Variants in CAMKMT observed in about 807,000 individuals in gnomAD.
CAMKMT encodes CaM KMT.
A neutral mutation model predicts 48.0 loss-of-function variants in CAMKMT; 53 were observed. That is an observed-to-expected ratio of 1.10 (90% CI 0.89 to 1.39). CAMKMT has a LOEUF of 1.39. Ranked by LOEUF, CAMKMT falls within the 40% of genes most tolerant of loss-of-function variation. The pLI, the probability that CAMKMT is intolerant of heterozygous loss-of-function variation, is 0.00. For missense variants in CAMKMT, 428 were observed against 402.7 expected (o/e 1.06, Z -0.54); for synonymous variants, 165 against 152.3 (o/e 1.08, Z -0.61).
intron 3 of CAMKMT, among the ~76,000 whole-genome samples, chr2:44,497,511 TA>T (rs1023320043): frequency 6.6e-6 from 1 of 152,060 alleles, no homozygotes; most frequent in African/African-American, 2.4e-5. Flanking sequence ...TCCCATTTAG[TA>T]AAAAAACAAA....
At chr2:44,402,314 G>A (rs570417355) in intron 3 of CAMKMT, among the ~76,000 whole-genome samples, 1 of 41,494 alleles carries the variant, frequency 2.4e-5, no homozygotes, top group South Asian at 1.0e-3. Flanking sequence ...GGGTGACACA[G>A]CAAGACTCTG....
chr2:44,573,661 T>C (rs1187705773), intron 3 of CAMKMT, among the ~76,000 whole-genome samples: 1 of 152,144 alleles, frequency 6.6e-6, no homozygotes, highest in Non-Finnish European at 1.5e-5. Context: ...ATAAAAATAT[T>C]CTCTGAAATT....
At chr2:44,598,995 A>G (rs576568583) in intron 3 of CAMKMT, among the ~76,000 whole-genome samples, 15 of 152,084 alleles carry the variant, frequency 9.9e-5, no homozygotes, top group South Asian at 2.1e-4. Flanking sequence ...GGGCTCACCT[A>G]TTTCGTATGT....
At chr2:44,474,451 AAAAAAAAAAAAAG>A (rs1668582145) in intron 3 of CAMKMT, among the ~76,000 whole-genome samples, 1 of 151,780 alleles carries the variant, frequency 6.6e-6, no homozygotes, top group East Asian at 1.9e-4. Flanking sequence ...CGTCTCAAAA[AAAAAAAAAAAAAG>A]AAAAAGAAAA....
chr2:44,597,352 A>G (rs1670724830), intron 3 of CAMKMT, among the ~76,000 whole-genome samples: 1 of 152,258 alleles, frequency 6.6e-6, no homozygotes, highest in South Asian at 2.1e-4. Context: ...TAAATATAGA[A>G]TCATTTAAGA....
chr2:44,475,363 G>A (rs997974921), intron 3 of CAMKMT, among the ~76,000 whole-genome samples: 1 of 151,018 alleles, frequency 6.6e-6, no homozygotes, highest in Non-Finnish European at 1.5e-5. Context: ...TGTCACCCAG[G>A]CTGGAGTGCA....
rs201736198 is a variant in CAMKMT, at chr2:44,461,968, TCA to T, written c.376+71666_376+71667del. ...TTGTATAATACCTGCTACCCTTGAC[TCA>T]CAGAATGTTTTGTGTGATGTCAAGT... is the stretch of plus-strand genomic sequence containing the variant. On this transcript the variant is annotated intron_variant, in intron 3 of 10. Transcript: ENST00000378494. Among the ~76,000 whole-genome samples the T allele has an allele frequency of 8.7e-4, 133 of 152,288 alleles. 1 individual carries two copies. The East Asian group carries it at 0.014, about 16-fold the overall frequency.
Position 44,390,306 on chromosome 2 carries a change from G to C in CAMKMT, c.376+1G>C, listed in dbSNP as rs1681204384. ...AGCTTTGACAATACAGGAAATGTTT[G>C]TAAGTTATACATTCACTCTATAGAA... On this transcript the variant is annotated splice_donor_variant, in intron 3 of 10. Coordinates refer to ENST00000378494, the MANE Select transcript of CAMKMT (RefSeq NM_024766.5). LOFTEE classifies it high-confidence loss of function. 1.3e-6 allele frequency: 2 copies of C among 1,592,886 alleles called. No individual in the cohort carries two copies. Among genetic ancestry groups the C allele is most frequent in the African/African-American group, 1.3e-5 (1 of 74,266 alleles).
intron 3 of CAMKMT, among the ~76,000 whole-genome samples, chr2:44,633,991 A>G (rs1004862774): frequency 5.3e-5 from 8 of 152,082 alleles, no homozygotes; most frequent in African/African-American, 1.7e-4. Context: ...ACTTTATGCT[A>G]GTTTAACCCT....
At chr2:44,451,789 C>G (rs1007963458) in intron 3 of CAMKMT, among the ~76,000 whole-genome samples, 2 of 151,730 alleles carry the variant, frequency 1.3e-5, no homozygotes, top group African/African-American at 4.8e-5. Context: ...GGTATATGGT[C>G]TTCTCTGTAA....
At chr2:44,511,207 A>G (rs1670531262) in intron 3 of CAMKMT, among the ~76,000 whole-genome samples, 1 of 152,098 alleles carries the variant, frequency 6.6e-6, no homozygotes, top group Non-Finnish European at 1.5e-5. Context: ...ACAACATACG[A>G]TATTTAGTTT....
intron 3 of CAMKMT, among the ~76,000 whole-genome samples, chr2:44,488,871 G>GTGTGTGTA (rs1553401438): frequency 2.3e-4 from 34 of 148,862 alleles, no homozygotes; most frequent in African/African-American, 7.3e-4. Context: ...GTGTGTGTGT[G>GTGTGTGTA]TGTGTGTTTT....
At chr2:44,598,177 C>G (rs952286543) in intron 3 of CAMKMT, among the ~76,000 whole-genome samples, 4 of 152,096 alleles carry the variant, frequency 2.6e-5, no homozygotes, top group African/African-American at 4.8e-5. Context: ...GAAAATATTA[C>G]TGTTCATAGC....
Position 44,495,913 on chromosome 2 carries a change from C to T in CAMKMT, c.376+105608C>T, listed in dbSNP as rs192812498. ...TTTATTAGTGATTCAGTTTCTTCCACGTATAATCACATGTCTTTGGCAGAA... is the reference window on the plus strand; with the variant it reads ...TTTATTAGTGATTCAGTTTCTTCCATGTATAATCACATGTCTTTGGCAGAA... On this transcript the variant is annotated intron_variant, in intron 3 of 10. Coordinates refer to ENST00000378494, the MANE Select transcript of CAMKMT (RefSeq NM_024766.5). Among the ~76,000 whole-genome samples the T allele has an allele frequency of 2.2e-3, 330 of 152,292 alleles. 1 individual carries two copies. The highest frequency in any genetic ancestry group is 3.8e-3 in the Non-Finnish European group (261 of 68,030).
chr2:44,564,574 T>C (rs1668509193), intron 3 of CAMKMT, among the ~76,000 whole-genome samples: 2 of 152,036 alleles, frequency 1.3e-5, no homozygotes, highest in South Asian at 4.1e-4. Flanking sequence ...GGCAGAGTTT[T>C]GCTCTTGTCA....
intron 7 of CAMKMT, among the ~76,000 whole-genome samples, chr2:44,715,962 T>G (rs1678155316): frequency 6.6e-6 from 1 of 152,198 alleles, no homozygotes; most frequent in South Asian, 2.1e-4. Context: ...CTGTTAATTC[T>G]TATACAAACT....
intron 3 of CAMKMT, among the ~76,000 whole-genome samples, chr2:44,684,273 C>T (rs560785492): frequency 1.6e-4 from 25 of 152,274 alleles, no homozygotes; most frequent in African/African-American, 6.0e-4. Flanking sequence ...TAAGAACACT[C>T]GTGTGTCCTG....
chr2:44,376,587 G>C (rs989402081), intron 2 of CAMKMT, among the ~76,000 whole-genome samples: 4 of 152,088 alleles, frequency 2.6e-5, no homozygotes, highest in Admixed American at 6.6e-5. Context: ...ATACCTATTA[G>C]TTTTGTCTAT....
intron 3 of CAMKMT, among the ~76,000 whole-genome samples, chr2:44,430,236 T>G (rs907121001): frequency 1.3e-5 from 2 of 152,118 alleles, no homozygotes; most frequent in Non-Finnish European, 2.9e-5. Flanking sequence ...ACTGTAAAGT[T>G]AGGGCCTGGA....
Sources: allele counts gnomAD v4.1 joint callset (sites outside exome capture counted in the v4.1 genomes callset), GRCh38; gene constraint gnomAD v4.1.1; transcripts MANE v1.5; gene names NCBI Gene and HGNC (gene_info 2026-07-23, HGNC 2026-07-21).